GARRE1: variants seen among roughly 807,000 people sequenced by gnomAD.
GARRE1 encodes granule associated Rac and RHOG effector protein 1.
A neutral mutation model predicts 103.2 loss-of-function variants in GARRE1; 49 were observed. That is an observed-to-expected ratio of 0.47 (90% CI 0.38 to 0.60). GARRE1 has a LOEUF of 0.60. Ranked by LOEUF, GARRE1 falls within the 20% of genes least tolerant of loss-of-function variation. The pLI is 0.00. For missense variants in GARRE1, 1,199 were observed against 1,370.5 expected (o/e 0.87, Z 1.98); for synonymous variants, 505 against 532.8 (o/e 0.95, Z 0.72).
Position 34,295,515 on chromosome 19 carries a change from GTGTTTTGTTT to G in GARRE1, c.-795-4142_-795-4133del, listed in dbSNP as rs71165644. ...ATTTTCATGAATCTTGTATCTCTTG[GTGTTTTGTTT>G]TGTTTTGTTTTGTTTTGTTTTCGAG... On this transcript the variant is annotated intron_variant, in intron 1 of 13. Transcript: ENST00000299505. 1.2e-4 allele frequency among the ~76,000 whole-genome samples: 18 copies of G among 148,578 alleles called. No individual in the cohort carries two copies. In the East Asian group the frequency reaches 1.8e-3, roughly 15 times the overall value.
intron 1 of GARRE1, 127 bp from the exon 2 acceptor site, chr19:34,299,552 T>G (rs923579707): frequency 6.6e-6 from 1 of 152,246 alleles, no homozygotes; most frequent in African/African-American, 2.4e-5. Context: ...TTGTACCTGC[T>G]CCTCTAAGGT....
intron 8 of GARRE1, among the ~76,000 whole-genome samples, chr19:34,338,969 G>A (rs1448907403): frequency 6.6e-6 from 1 of 152,118 alleles, no homozygotes; most frequent in Non-Finnish European, 1.5e-5. Flanking sequence ...CCTGAAGCAG[G>A]GGGTTCATAA....
chr19:34,287,205 C>T (rs16969161), intron 1 of GARRE1, among the ~76,000 whole-genome samples: 13,968 of 151,598 alleles, frequency 0.092, 992 homozygotes, highest in African/African-American at 0.19. Flanking sequence ...ATTTGGATTG[C>T]ATCCCAGTAA....
In GARRE1 at chr19:34,347,950, G is replaced by A; in HGVS notation, c.2595G>A (p.Gln865=). ...SQAMQQKRQA[Q]HGRRPGNPRG... Reference sequence around the variant, plus strand: ...CGATGCAGCAGAAGCGGCAGGCCCAGCACGGTCGCCGGCCAGGCAACCCCC... The same window carrying A: ...CGATGCAGCAGAAGCGGCAGGCCCAACACGGTCGCCGGCCAGGCAACCCCC... The change falls in exon 11 of 14, where the codon CAG becomes CAA. Residue 865 remains glutamine, a synonymous_variant. Coordinates refer to ENST00000299505, the MANE Select transcript of GARRE1 (RefSeq NM_014686.5). 1.3e-6 allele frequency: 2 copies of A among 1,591,878 alleles called. No individual in the cohort carries two copies. The highest frequency in any genetic ancestry group is 1.3e-5 in the African/African-American group (1 of 74,170).
At position 34,273,497 on chromosome 19, in the gene GARRE1, T is replaced by C. The variant is rs144190234; in HGVS notation, c.-796+18883T>C. 1.4e-3 allele frequency among the ~76,000 whole-genome samples: 209 copies of C among 152,306 alleles called. 1 individual carries two copies. The highest frequency in any genetic ancestry group is 2.5e-3 in the Admixed American group (39 of 15,300). The stretch of plus-strand genomic sequence containing the variant: ...TCATGAATGTTGTAAAGGAATACCA[T>C]TAAATAAGTACTGAGGACAAACTAA... On this transcript the variant is annotated intron_variant, in intron 1 of 13. Coordinates refer to ENST00000299505, the MANE Select transcript of GARRE1 (RefSeq NM_014686.5).
Position 34,299,329 on chromosome 19 carries a change from A to G in GARRE1, c.-795-350A>G, listed in dbSNP as rs150849799. On this transcript the variant is annotated intron_variant, in intron 1 of 13. Transcript: ENST00000299505. Reference sequence around the variant, plus strand: ...GCTGTGTGTGTCAACAGCCCTCACCATAATCTGAGTACTCATGTGATCCTC... The same window carrying G: ...GCTGTGTGTGTCAACAGCCCTCACCGTAATCTGAGTACTCATGTGATCCTC... Among the ~76,000 whole-genome samples, 11 of 152,306 alleles carry G rather than the reference A, an allele frequency of 7.2e-5. No individual in the cohort carries two copies. In the East Asian group the frequency reaches 1.7e-3, roughly 24 times the overall value.
chr19:34,335,770 C>T (rs1273197121), intron 8 of GARRE1, among the ~76,000 whole-genome samples: 1 of 152,186 alleles, frequency 6.6e-6, no homozygotes, highest in Non-Finnish European at 1.5e-5. Context: ...AGGTGATCCA[C>T]CTGCTTCGGC....
chr19:34,320,896 T>C (rs1026490672), intron 3 of GARRE1, among the ~76,000 whole-genome samples: 6 of 145,544 alleles, frequency 4.1e-5, no homozygotes, highest in Non-Finnish European at 7.5e-5. Flanking sequence ...CTTATTATTA[T>C]TATTATTACT....
In GARRE1 at chr19:34,300,690, A is replaced by G. The variant is rs1258734204; in HGVS notation, c.217A>G (p.Ile73Val). 1.2e-6 allele frequency: 2 copies of G among 1,613,958 alleles called. No homozygotes were observed. Among genetic ancestry groups the G allele is most frequent in the African/African-American group, 1.3e-5 (1 of 74,942 alleles). ...CCATGCCATGCCCCACACTACTCCT[A>G]TCGCCGACATCCAGCAGGGCATCTC... is the stretch of plus-strand genomic sequence containing the variant. ...CHHAMPHTTP[I>V]ADIQQGISKY... is the part of the protein sequence containing the mutation. The change falls in exon 2 of 14, where the codon ATC (isoleucine) becomes GTC (valine). Residue 73 changes from isoleucine to valine, a missense_variant. By Grantham distance (29) the Ile-to-Val change is conservative. Coordinates refer to ENST00000299505, the MANE Select transcript of GARRE1 (RefSeq NM_014686.5).
At chr19:34,289,128 C>G (rs1334900476) in intron 1 of GARRE1, among the ~76,000 whole-genome samples, 1 of 149,616 alleles carries the variant, frequency 6.7e-6, no homozygotes, top group African/African-American at 2.5e-5. Context: ...AGCAAGACTC[C>G]GTCTCAAAAA....
chr19:34,348,736 C>A (rs1254909986), intron 11 of GARRE1: 2 of 402,512 alleles, frequency 5.0e-6, no homozygotes, highest in Non-Finnish European at 9.2e-6. Flanking sequence ...AGCCCAGCAT[C>A]CATTAGCTAT....
intron 1 of GARRE1, among the ~76,000 whole-genome samples, chr19:34,279,029 T>C (rs576517338): frequency 6.6e-6 from 1 of 152,338 alleles, no homozygotes; most frequent in South Asian, 2.1e-4. Flanking sequence ...TTTGTTTATC[T>C]ATTCATCTTC....
rs11343595 is a variant in GARRE1 at position 34,336,469 on chromosome 19, ATT to A, written c.1361+2684_1361+2685del. ...GTGTTCTGCTGAAATGTGTTCCTGA[ATT>A]TTTTTTTTTTTTTTTGAGATAGTTT... On this transcript the variant is annotated intron_variant, in intron 8 of 13. Coordinates refer to ENST00000299505, the MANE Select transcript of GARRE1 (RefSeq NM_014686.5). 3.5e-3 allele frequency among the ~76,000 whole-genome samples: 470 copies of A among 134,106 alleles called. 2 individuals are homozygous for A. Among genetic ancestry groups the A allele is most frequent in the African/African-American group, 5.1e-3 (185 of 36,142 alleles). The allele number at this position is 134,106 out of a possible 152,430, so 88.0% of individuals were successfully genotyped here.
intron 1 of GARRE1, among the ~76,000 whole-genome samples, chr19:34,281,821 A>G (rs1441265962): frequency 6.6e-6 from 1 of 152,088 alleles, no homozygotes; most frequent in African/African-American, 2.4e-5. Flanking sequence ...TTTTAGGGAT[A>G]TTTTTCTTTT....
intron 3 of GARRE1, among the ~76,000 whole-genome samples, chr19:34,326,484 A>G (rs1442475918): frequency 6.6e-6 from 1 of 152,246 alleles, no homozygotes; most frequent in Non-Finnish European, 1.5e-5. Context: ...TAATCGTAAA[A>G]TGACAGAGAT....
chr19:34,260,881 C>T (rs1360180239), intron 1 of GARRE1, among the ~76,000 whole-genome samples: 2 of 152,174 alleles, frequency 1.3e-5, no homozygotes, highest in Admixed American at 6.5e-5. Flanking sequence ...ATTTTGTATC[C>T]TCAGAAGAAA....
intron 1 of GARRE1, among the ~76,000 whole-genome samples, chr19:34,282,045 C>A (rs1298778005): frequency 6.6e-6 from 1 of 152,190 alleles, no homozygotes; most frequent in Non-Finnish European, 1.5e-5. Flanking sequence ...CTATACCTTA[C>A]TTCATTCCCA....
At chr19:34,352,561 A>G (rs1403976117) in intron 13 of GARRE1, 86 bp from the exon 14 acceptor site, 4 of 1,142,420 alleles carry the variant, frequency 3.5e-6, no homozygotes, top group Non-Finnish European at 5.2e-6. Flanking sequence ...GCTTCCTAGG[A>G]GGGAATAAGG....
Position 34,352,848 on chromosome 19 carries a change from A to ACGC in GARRE1, c.3107_3108insGCC (p.Pro1038dup). On this transcript the variant is annotated inframe_insertion, in exon 14 of 14. Coordinates refer to ENST00000299505, the MANE Select transcript of GARRE1 (RefSeq NM_014686.5). ...TGCCGCTGCCTTCTCCTATGTGCAG[A>ACGC]CCCCACCCCAGCCCCCACCCCCACC... 9 of 1,591,574 alleles carry ACGC rather than the reference A, an allele frequency of 5.7e-6. No homozygotes were observed. Among genetic ancestry groups the ACGC allele is most frequent in the Non-Finnish European group, 7.7e-6 (9 of 1,166,560 alleles).
Sources: gnomAD v4.1 joint callset for allele counts (sites outside exome capture counted in the v4.1 genomes callset) on GRCh38, gnomAD v4.1.1 for gene constraint, MANE v1.5 for transcripts, NCBI Gene and HGNC (gene_info 2026-07-23, HGNC 2026-07-21) for gene names.